PMFBP1: variants seen among roughly 807,000 people sequenced by gnomAD.
The protein encoded by PMFBP1 is polyamine-modulated factor 1-binding protein 1.
In PMFBP1, 131 loss-of-function variants were observed where a neutral mutation model predicts 137.8. That is an observed-to-expected ratio of 0.95 (90% CI 0.82 to 1.10). The LOEUF is 1.10. PMFBP1 is among the 50% of genes least tolerant of loss of function. The pLI is 0.00. For missense variants in PMFBP1, 1,199 were observed against 1,175.4 expected, an observed-to-expected ratio of 1.02 and a Z score of -0.29; for synonymous variants, 490 against 450.4, an observed-to-expected ratio of 1.09 and a Z score of -1.11.
intron 15 of PMFBP1, 117 bp downstream of exon 15, chr16:72,125,851 G>T: frequency 3.8e-6 from 5 of 1,310,570 alleles, no homozygotes; most frequent in Non-Finnish European, 5.3e-6. Context: ...CCACACAAGG[G>T]TTTGAGATGG....
At chr16:72,221,053 G>C in the PMFBP1 span, among the ~76,000 whole-genome samples, 1 of 152,076 alleles carries the variant, frequency 6.6e-6, no homozygotes, top group Non-Finnish European at 1.5e-5. Context: ...AAGGAGAGCA[G>C]GGGTATGTGA....
chr16:72,189,879 T>C, the PMFBP1 span, among the ~76,000 whole-genome samples: 9 of 152,272 alleles, frequency 5.9e-5, no homozygotes, highest in African/African-American at 2.2e-4. Flanking sequence ...TGCTGATTAG[T>C]TGAGGATAAA....
the PMFBP1 span, among the ~76,000 whole-genome samples, chr16:72,211,632 A>C: frequency 1.3e-5 from 2 of 152,206 alleles, no homozygotes; most frequent in African/African-American, 4.8e-5. Context: ...ATATCTTTAG[A>C]GAGATTTGAG....
chr16:72,243,105 A>C, the PMFBP1 span, among the ~76,000 whole-genome samples: 1 of 152,366 alleles, frequency 6.6e-6, no homozygotes, highest in East Asian at 1.9e-4. Context: ...GGAGCATTTT[A>C]TCAGTCATGG....
At position 72,124,174 on chromosome 16, in the gene PMFBP1, C is replaced by A. The variant is rs774826950; in HGVS notation, c.2590-525G>T. Among the ~76,000 whole-genome samples, 13 of 152,182 alleles carry A rather than the reference C, an allele frequency of 8.5e-5. 1 individual carries two copies. Among genetic ancestry groups the A allele is most frequent in the Non-Finnish European group, 1.8e-4 (12 of 68,026 alleles). The stretch of plus-strand genomic sequence containing the variant: ...CACAAGCATAGGCCACCATGCTCAG[C>A]TAACATTTAAACTTATTGTAGAGAT... On this transcript the variant is annotated intron_variant, in intron 17 of 20. Transcript: ENST00000237353.
the PMFBP1 span, among the ~76,000 whole-genome samples, chr16:72,225,838 G>GA: frequency 4.6e-4 from 70 of 151,442 alleles, no homozygotes; most frequent in Admixed American, 4.6e-3. Flanking sequence ...CACATTTGAA[G>GA]AAATCAATCT....
chr16:72,123,903 G>A (rs572853701), intron 17 of PMFBP1, among the ~76,000 whole-genome samples: 14 of 152,260 alleles, frequency 9.2e-5, no homozygotes, highest in East Asian at 1.9e-4. Flanking sequence ...TTATAATCAC[G>A]GTTTTCAGTG....
intron 5 of PMFBP1, among the ~76,000 whole-genome samples, chr16:72,142,263 A>C (rs1211682927): frequency 6.6e-6 from 1 of 152,208 alleles, no homozygotes; most frequent in African/African-American, 2.4e-5. Flanking sequence ...CTAACAAGGA[A>C]GAAGATATCT....
At chr16:72,197,359 C>A in the PMFBP1 span, among the ~76,000 whole-genome samples, 1 of 152,180 alleles carries the variant, frequency 6.6e-6, no homozygotes, top group Non-Finnish European at 1.5e-5. Flanking sequence ...AACCCTGCAT[C>A]ATGCATGGTC....
chr16:72,221,868 A>G, the PMFBP1 span, among the ~76,000 whole-genome samples: 47 of 152,296 alleles, frequency 3.1e-4, no homozygotes, highest in Non-Finnish European at 6.3e-4. Context: ...GCAATATTTT[A>G]TGTATCAGTG....
the PMFBP1 span, among the ~76,000 whole-genome samples, chr16:72,249,920 C>CAAAAA: frequency 0.019 from 566 of 29,710 alleles, 1 homozygote; most frequent in East Asian, 0.028. Context: ...GACTCCATCG[C>CAAAAA]AAAAAAAAAA....
At position 72,132,784 on chromosome 16, in the gene PMFBP1, T is replaced by G. The variant is rs766299966; in HGVS notation, c.1411A>C (p.Ser471Arg). The change falls in exon 10 of 21, where the codon AGT becomes CGT. Residue 471 changes from serine to arginine, a missense_variant. By Grantham distance (110) the Ser-to-Arg change is moderately radical. Transcript: ENST00000237353. ...TCCTGCTGCTTGGCCTCTTCGAGAC[T>G]GTTCTTCAGCTTCTGGACCTCAGCC... ...LQAEVQKLKN[S>R]LEEAKQQERL... 4 of 1,614,076 alleles carry G rather than the reference T, an allele frequency of 2.5e-6. No individual in the cohort carries two copies. Among genetic ancestry groups the G allele is most frequent in the African/African-American group, 1.3e-5 (1 of 74,932 alleles).
At chr16:72,125,446 T>A in intron 15 of PMFBP1, 41 bp from the exon 16 acceptor site, 1 of 1,594,892 alleles carries the variant, frequency 6.3e-7, no homozygotes, top group Middle Eastern at 1.7e-4. Flanking sequence ...TGTCAGAGAC[T>A]TTGACCCTCT....
At chr16:72,150,579 T>C (rs2042885738) in intron 5 of PMFBP1, 29 bp downstream of exon 5, 1 of 1,605,984 alleles carries the variant, frequency 6.2e-7, no homozygotes, top group Admixed American at 1.7e-5. Context: ...TCCACTTGCC[T>C]GGATTGAATG....
chr16:72,144,270 T>G (rs2042769323), intron 5 of PMFBP1, among the ~76,000 whole-genome samples: 1 of 151,800 alleles, frequency 6.6e-6, no homozygotes, highest in Non-Finnish European at 1.5e-5. Flanking sequence ...TGAAAGTCAG[T>G]CAACATAAAT....
the PMFBP1 span, among the ~76,000 whole-genome samples, chr16:72,181,984 T>A: frequency 6.6e-6 from 1 of 152,192 alleles, no homozygotes; most frequent in Admixed American, 6.5e-5. Flanking sequence ...AAATAAAAAA[T>A]AAATCACCTA....
At position 72,164,769 on chromosome 16, in the gene PMFBP1, T is replaced by TAA. The variant is rs2043119711; in HGVS notation, c.159_160insTT (p.Ser54LeufsTer11). Reference sequence around the variant, plus strand: ...GCTGCTGCCAAGTCCCTTACGTGGCTGCTGTTCATTGCCTCCTCCATGCAG... The same window carrying TAA: ...GCTGCTGCCAAGTCCCTTACGTGGCTAAGCTGTTCATTGCCTCCTCCATGCAG... On this transcript the variant is annotated frameshift_variant, in exon 3 of 21. Coordinates refer to ENST00000237353, the MANE Select transcript of PMFBP1 (RefSeq NM_031293.3). LOFTEE classifies it high-confidence loss of function. The TAA allele has an allele frequency of 6.3e-7, 1 of 1,588,344 alleles. No individual in the cohort carries two copies. Among genetic ancestry groups the TAA allele is most frequent in the Non-Finnish European group, 8.6e-7 (1 of 1,160,628 alleles).
At chr16:72,167,059 A>G (rs113956353) in intron 2 of PMFBP1, among the ~76,000 whole-genome samples, 11 of 152,324 alleles carry the variant, frequency 7.2e-5, no homozygotes, top group African/African-American at 2.6e-4. Context: ...CTTTTGAAAT[A>G]TATGAGCTGC....
chr16:72,125,502 CT>C, intron 15 of PMFBP1, 97 bp from the exon 16 acceptor site: 1 of 1,366,154 alleles, frequency 7.3e-7, no homozygotes, highest in Non-Finnish European at 9.9e-7. Context: ...TTCCTGTCCT[CT>C]GCCCAGGGTG....
Sources: gnomAD v4.1 joint callset for allele counts (sites outside exome capture counted in the v4.1 genomes callset) on GRCh38, gnomAD v4.1.1 for gene constraint, MANE v1.5 for transcripts, NCBI Gene and HGNC (gene_info 2026-07-23, HGNC 2026-07-21) for gene names.